Variants in EXT1 observed in about 807,000 individuals in gnomAD.
EXT1 encodes exostosin-1.
In EXT1, 20 loss-of-function variants were observed where a neutral mutation model predicts 82.5. The observed-to-expected ratio is 0.24, with a 90% CI of 0.17 to 0.35. The LOEUF is 0.35. Ranked by LOEUF, EXT1 falls within the 10% of genes least tolerant of loss-of-function variation. EXT1 has a pLI of 1.00. For synonymous variants in EXT1, 348 were observed against 350.8 expected (o/e 0.99, Z 0.09); for missense variants, 757 against 936.5 (o/e 0.81, Z 2.50).
At chr8:117,821,936 C>CTAGCTTT (rs1273539321) in intron 5 of EXT1, among the ~76,000 whole-genome samples, 1 of 152,162 alleles carries the variant, frequency 6.6e-6, no homozygotes, top group African/African-American at 2.4e-5. Flanking sequence ...GAGATTGTAT[C>CTAGCTTT]TTATTTGACT....
intron 1 of EXT1, among the ~76,000 whole-genome samples, chr8:118,084,685 A>G (rs775659688): frequency 1.3e-5 from 2 of 152,166 alleles, no homozygotes; most frequent in African/African-American, 2.4e-5. Flanking sequence ...GCTGAGACCT[A>G]GGGCATGGCA....
At chr8:117,986,254 AT>A (rs1301890025) in intron 1 of EXT1, among the ~76,000 whole-genome samples, 6 of 146,034 alleles carry the variant, frequency 4.1e-5, no homozygotes, top group African/African-American at 1.5e-4. Flanking sequence ...CAGTGGTGTG[AT>A]TTCAGCTCAC....
intron 1 of EXT1, among the ~76,000 whole-genome samples, chr8:118,000,297 A>AT (rs1815635152): frequency 6.6e-6 from 1 of 152,144 alleles, no homozygotes; most frequent in African/African-American, 2.4e-5. Context: ...AAACATGCAG[A>AT]TATCTACAGA....
intron 1 of EXT1, among the ~76,000 whole-genome samples, chr8:118,076,166 T>C (rs1249051234): frequency 6.6e-6 from 1 of 152,080 alleles, no homozygotes; most frequent in East Asian, 1.9e-4. Context: ...AGTTATATGA[T>C]CTCAAAGGCC....
At chr8:117,805,378 T>C (rs1443265484) in intron 9 of EXT1, among the ~76,000 whole-genome samples, 2 of 152,188 alleles carry the variant, frequency 1.3e-5, no homozygotes, top group Non-Finnish European at 2.9e-5. Context: ...AGTCCAACAA[T>C]AGACTGTTCT....
chr8:117,950,978 C>G (rs1028549591), intron 1 of EXT1, among the ~76,000 whole-genome samples: 3 of 152,026 alleles, frequency 2.0e-5, no homozygotes, highest in South Asian at 4.2e-4. Flanking sequence ...TTGGGGGGAG[C>G]CTTATTGATT....
At chr8:118,091,861 T>C (rs1817532257) in intron 1 of EXT1, among the ~76,000 whole-genome samples, 1 of 152,178 alleles carries the variant, frequency 6.6e-6, no homozygotes, top group African/African-American at 2.4e-5. Flanking sequence ...AAAAATTAAG[T>C]AAATCTAACA....
intron 1 of EXT1, among the ~76,000 whole-genome samples, chr8:117,986,277 C>T (rs1431822755): frequency 6.6e-6 from 1 of 151,504 alleles, no homozygotes; most frequent in Non-Finnish European, 1.5e-5. Flanking sequence ...GCAACCTCTG[C>T]CTCCTGGGTT....
chr8:118,051,760 G>A (rs770294865), intron 1 of EXT1, among the ~76,000 whole-genome samples: 2 of 123,460 alleles, frequency 1.6e-5, no homozygotes, highest in African/African-American at 6.2e-5. Flanking sequence ...TAAACACTAC[G>A]CTAACAATAT....
intron 1 of EXT1, among the ~76,000 whole-genome samples, chr8:118,069,894 A>G (rs993693611): frequency 6.6e-6 from 1 of 152,222 alleles, no homozygotes; most frequent in African/African-American, 2.4e-5. Flanking sequence ...GGCCATAAGA[A>G]TTTCAGTATC....
chr8:117,824,734 G>A (rs964286439), intron 4 of EXT1, among the ~76,000 whole-genome samples: 1 of 152,124 alleles, frequency 6.6e-6, no homozygotes, highest in Non-Finnish European at 1.5e-5. Context: ...CATATTAATA[G>A]TATTCATGAT....
chr8:117,818,870 T>C (rs1223712043), intron 6 of EXT1, among the ~76,000 whole-genome samples: 1 of 152,216 alleles, frequency 6.6e-6, no homozygotes, highest in Non-Finnish European at 1.5e-5. Context: ...TGATATCTTA[T>C]GATGGTGTGT....
At chr8:117,933,834 C>A (rs1480937629) in intron 1 of EXT1, among the ~76,000 whole-genome samples, 2 of 152,170 alleles carry the variant, frequency 1.3e-5, no homozygotes, top group African/African-American at 2.4e-5. Flanking sequence ...TCACATTGCT[C>A]GTCTTAATTG....
Position 117,919,572 on chromosome 8 carries a change from A to G in EXT1, c.963-82371T>C, listed in dbSNP as rs17430721. On this transcript the variant is annotated intron_variant, in intron 1 of 10. Coordinates refer to ENST00000378204, the MANE Select transcript of EXT1 (RefSeq NM_000127.3). Reference sequence around the variant, plus strand: ...GAGGATGGAGTGCAGTGGTGCAAACACGGCTAACTGCAGCTTCAAACTCCT... The same window carrying G: ...GAGGATGGAGTGCAGTGGTGCAAACGCGGCTAACTGCAGCTTCAAACTCCT... Among the ~76,000 whole-genome samples the G allele has an allele frequency of 3.5e-3, 524 of 151,008 alleles. 1 individual carries two copies. Among genetic ancestry groups the G allele is most frequent in the South Asian group, 8.6e-3 (41 of 4,768 alleles).
intron 10 of EXT1, among the ~76,000 whole-genome samples, chr8:117,801,120 G>A (rs1473902590): frequency 6.6e-6 from 1 of 152,240 alleles, no homozygotes; most frequent in African/African-American, 2.4e-5. Context: ...CAGAATCATA[G>A]TGTCAACATG....
chr8:117,805,275 T>C (rs1823220296), intron 9 of EXT1, among the ~76,000 whole-genome samples: 1 of 152,208 alleles, frequency 6.6e-6, no homozygotes, highest in Admixed American at 6.5e-5. Flanking sequence ...GCAAGATAAG[T>C]TATTTACACA....
chr8:117,969,642 C>A (rs2129737904), intron 1 of EXT1, among the ~76,000 whole-genome samples: 1 of 152,318 alleles, frequency 6.6e-6, no homozygotes, highest in Non-Finnish European at 1.5e-5. Flanking sequence ...AGTCCCCTCC[C>A]TCATGTTGTG....
chr8:118,029,499 T>C (rs1816268383), intron 1 of EXT1, among the ~76,000 whole-genome samples: 1 of 152,174 alleles, frequency 6.6e-6, no homozygotes, highest in East Asian at 1.9e-4. Context: ...TAATAAGTTA[T>C]CTGAAATGTG....
chr8:118,040,280 C>T (rs1277431221), intron 1 of EXT1, among the ~76,000 whole-genome samples: 1 of 152,028 alleles, frequency 6.6e-6, no homozygotes, highest in Admixed American at 6.6e-5. Context: ...AATGGGAATC[C>T]CAAGTGTATT....
Sources: allele counts gnomAD v4.1 joint callset (sites outside exome capture counted in the v4.1 genomes callset), GRCh38; gene constraint gnomAD v4.1.1; transcripts MANE v1.5; gene names NCBI Gene and HGNC (gene_info 2026-07-23, HGNC 2026-07-21).